Variants in KIAA1217 observed in about 807,000 individuals in gnomAD.
The protein encoded by KIAA1217 is KIAA1217, also known as sickle tail protein homolog.
A neutral mutation model predicts 163.9 loss-of-function variants in KIAA1217; 88 were observed. That is an observed-to-expected ratio of 0.54 (90% confidence interval 0.45 to 0.64). KIAA1217 has a LOEUF of 0.64. Among genes scored for constraint, KIAA1217 ranks in the 30% least tolerant of loss-of-function variants. The pLI, the probability that KIAA1217 is intolerant of heterozygous loss-of-function variation, is 0.00. For synonymous variants in KIAA1217, 903 were observed against 923.1 expected (o/e 0.98, Z 0.39); for missense variants, 2,372 against 2,475.0 (o/e 0.96, Z 0.88).
chr10:23,744,878 T>A (rs1006376157), intron 1 of KIAA1217, among the ~76,000 whole-genome samples: 3 of 152,190 alleles, frequency 2.0e-5, no homozygotes, highest in African/African-American at 7.2e-5. Flanking sequence ...GCTGGCAGAA[T>A]TCTTGCTTGA....
chr10:23,852,499 C>A (rs1282921503), intron 1 of KIAA1217, among the ~76,000 whole-genome samples: 1 of 152,140 alleles, frequency 6.6e-6, no homozygotes, highest in African/African-American at 2.4e-5. Context: ...GCGATGCGGG[C>A]TCTTTTTTGG....
At chr10:24,283,415 C>T (rs2078185748) in intron 2 of KIAA1217, among the ~76,000 whole-genome samples, 1 of 152,046 alleles carries the variant, frequency 6.6e-6, no homozygotes, top group East Asian at 1.9e-4. Context: ...GCCTGTAATC[C>T]CAGCACTTTG....
At chr10:24,403,405 A>G (rs1273635934) in intron 3 of KIAA1217, among the ~76,000 whole-genome samples, 1 of 151,976 alleles carries the variant, frequency 6.6e-6, no homozygotes, top group Non-Finnish European at 1.5e-5. Flanking sequence ...CACCTTGCTA[A>G]TTTTTGTATT....
At chr10:24,203,506 T>C (rs946346758) in intron 2 of KIAA1217, among the ~76,000 whole-genome samples, 3 of 152,056 alleles carry the variant, frequency 2.0e-5, no homozygotes, top group African/African-American at 7.2e-5. Context: ...TACTCCATGA[T>C]CCTAGTTTTG....
In KIAA1217 at chr10:23,967,899, A is replaced by ATGTGTGTGTG. The variant is rs58562978; in HGVS notation, c.-320-39298_-320-39289dup. 3.4e-3 allele frequency among the ~76,000 whole-genome samples: 488 copies of ATGTGTGTGTG among 143,922 alleles called. 3 individuals are homozygous for ATGTGTGTGTG. The highest frequency in any genetic ancestry group is 0.011 in the Middle Eastern group (3 of 284). The allele number at this position is 143,922 out of a possible 152,430, so 94.4% of individuals were successfully genotyped here. A position where few individuals can be genotyped will look rare whatever the true frequency, so the allele number is the denominator to read the frequency against. ...AGCAACTCACAGAATAATATATTAA[A>ATGTGTGTGTG]TGTGTGTGTGTGTGTGTGTGTGTGT... On this transcript the variant is annotated intron_variant, in intron 1 of 18. Transcript: ENST00000376462.
chr10:24,394,251 G>T (rs74795054), intron 3 of KIAA1217, among the ~76,000 whole-genome samples: 1,867 of 152,206 alleles, frequency 0.012, 39 homozygotes, highest in African/African-American at 0.042. Flanking sequence ...GCTGAGTTTG[G>T]CTACTCAAAA....
chr10:24,158,595 T>C, intron 2 of KIAA1217: 1 of 507,820 alleles, frequency 2.0e-6, no homozygotes, highest in Non-Finnish European at 4.0e-6. Context: ...ACAGACGTGC[T>C]TTATCATCTC....
At position 24,110,023 on chromosome 10, in the gene KIAA1217, G is replaced by A. The variant is rs757033471; in HGVS notation, c.-171+102649G>A. On this transcript the variant is annotated intron_variant, in intron 2 of 18. Transcript: ENST00000376462. The stretch of plus-strand genomic sequence containing the variant: ...TGGGACTACAGGCACGCCACTATGC[G>A]TAGCTGATGTTGTTTTTGGTTAATA... 1.4e-4 allele frequency among the ~76,000 whole-genome samples: 22 copies of A among 152,304 alleles called. 1 individual carries two copies. Among genetic ancestry groups the A allele is most frequent in the East Asian group, 3.9e-4 (2 of 5,174 alleles).
chr10:23,733,254 C>A (rs1052060483), intron 1 of KIAA1217, among the ~76,000 whole-genome samples: 2 of 152,104 alleles, frequency 1.3e-5, no homozygotes, highest in African/African-American at 4.8e-5. Context: ...CTCAAGTGAT[C>A]CTCCCTCCTT....
chr10:23,854,037 A>G (rs1839509816), intron 1 of KIAA1217, among the ~76,000 whole-genome samples: 1 of 151,746 alleles, frequency 6.6e-6, no homozygotes, highest in Non-Finnish European at 1.5e-5. Flanking sequence ...GATTTTAGTT[A>G]TTTCTTGCCT....
At chr10:23,823,866 GA>G (rs1473703817) in intron 1 of KIAA1217, among the ~76,000 whole-genome samples, 1 of 151,798 alleles carries the variant, frequency 6.6e-6, no homozygotes, top group African/African-American at 2.4e-5. Context: ...AAGGGAAGTA[GA>G]AAGTTGCATA....
Position 24,177,161 on chromosome 10 carries a change from G to A in KIAA1217, c.-170-42465G>A, listed in dbSNP as rs1291181662. ...AGGGGCTCCCACAGTGCAGCAGTGG[G>A]CTAAAGGGCTCCTCAAGCATGACCA... is the stretch of plus-strand genomic sequence containing the variant. On this transcript the variant is annotated intron_variant, in intron 2 of 18. Coordinates refer to the KIAA1217 transcript ENST00000376462. 2.7e-5 allele frequency among the ~76,000 whole-genome samples: 4 copies of A among 150,134 alleles called. No individual in the cohort carries two copies. In the East Asian group the frequency reaches 8.0e-4, roughly 30 times the overall value.
At chr10:23,906,416 A>G (rs530165137) in intron 1 of KIAA1217, among the ~76,000 whole-genome samples, 1 of 152,284 alleles carries the variant, frequency 6.6e-6, no homozygotes, top group African/African-American at 2.4e-5. Context: ...TAAAAAACAA[A>G]TGAGAAGTAG....
intron 1 of KIAA1217, among the ~76,000 whole-genome samples, chr10:23,801,555 T>C (rs904996762): frequency 6.6e-6 from 1 of 152,194 alleles, no homozygotes; most frequent in Non-Finnish European, 1.5e-5. Context: ...AGGGTTTAAT[T>C]GAGAATATCC....
At chr10:23,707,470 T>C (rs1178721830) in intron 1 of KIAA1217, among the ~76,000 whole-genome samples, 3 of 152,168 alleles carry the variant, frequency 2.0e-5, no homozygotes, top group African/African-American at 2.4e-5. Context: ...CTGGGGGCCA[T>C]TGCCTAAATG....
intron 2 of KIAA1217, among the ~76,000 whole-genome samples, chr10:24,026,867 G>C (rs564209175): frequency 1.3e-5 from 2 of 148,154 alleles, no homozygotes; most frequent in South Asian, 4.3e-4. Context: ...AGCATAAATA[G>C]TTATGGTATA....
chr10:24,091,817 T>C (rs1421433351), intron 2 of KIAA1217, among the ~76,000 whole-genome samples: 1 of 151,746 alleles, frequency 6.6e-6, no homozygotes, highest in Non-Finnish European at 1.5e-5. Flanking sequence ...CCACTGGCTC[T>C]TAAATAACAG....
intron 5 of KIAA1217, among the ~76,000 whole-genome samples, chr10:24,451,203 T>G (rs1461525757): frequency 2.0e-5 from 3 of 152,178 alleles, no homozygotes; most frequent in Non-Finnish European, 4.4e-5. Flanking sequence ...CATAAAAAAA[T>G]GTTTCCATAG....
At chr10:24,215,045 A>G (rs1428130281) in intron 1 of KIAA1217, among the ~76,000 whole-genome samples, 1 of 152,206 alleles carries the variant, frequency 6.6e-6, no homozygotes, top group African/African-American at 2.4e-5. Context: ...CCCATCTTCC[A>G]TGAGCCTCTG....
Sources: allele counts gnomAD v4.1 joint callset (sites outside exome capture counted in the v4.1 genomes callset), GRCh38; gene constraint gnomAD v4.1.1; transcripts MANE v1.5; gene names NCBI Gene and HGNC (gene_info 2026-07-23, HGNC 2026-07-21).